NBAS: variants seen among roughly 807,000 people sequenced by gnomAD.
NBAS encodes the protein NBAS subunit of NRZ tethering complex.
NBAS carries 219 observed loss-of-function variants against 302.5 expected under a neutral mutation model. That is an observed-to-expected ratio of 0.72 (90% CI 0.65 to 0.81). The LOEUF is 0.81. Among genes scored for constraint, NBAS ranks in the 30% least tolerant of loss-of-function variants. The pLI, the probability that NBAS is intolerant of heterozygous loss-of-function variation, is 0.00. For missense variants in NBAS, 2,932 were observed against 2,841.6 expected, an observed-to-expected ratio of 1.03 and a Z score of -0.72; for synonymous variants, 1,118 against 1,021.6, an observed-to-expected ratio of 1.09 and a Z score of -1.80.
At chr2:14,849,789 G>A in the NBAS span, among the ~76,000 whole-genome samples, 4 of 142,210 alleles carry the variant, frequency 2.8e-5, no homozygotes, top group African/African-American at 8.9e-5. Flanking sequence ...CATTCTTAAA[G>A]AAAAGAATTT....
At chr2:15,407,126 T>C (rs1004412509) in intron 25 of NBAS, among the ~76,000 whole-genome samples, 4 of 152,210 alleles carry the variant, frequency 2.6e-5, no homozygotes, top group Admixed American at 2.6e-4. Context: ...GGGAATGGCA[T>C]GTATCCCAAC....
chr2:15,374,500 T>C (rs2148359309), intron 31 of NBAS, 108 bp downstream of exon 31: 3 of 933,546 alleles, frequency 3.2e-6, no homozygotes, highest in Non-Finnish European at 5.3e-6. Flanking sequence ...CTATTGCTAA[T>C]GGATTACATG....
chr2:14,827,731 C>T, the NBAS span, among the ~76,000 whole-genome samples: 13 of 152,196 alleles, frequency 8.5e-5, no homozygotes, highest in South Asian at 2.1e-4. Flanking sequence ...TCCACTTATA[C>T]GATGTATATG....
intron 44 of NBAS, among the ~76,000 whole-genome samples, chr2:15,246,680 T>C (rs1186346055): frequency 1.3e-5 from 2 of 152,176 alleles, no homozygotes; most frequent in Non-Finnish European, 2.9e-5. Context: ...ATGTTTGCCA[T>C]TGGGACAATG....
Position 15,475,810 on chromosome 2 carries a change from G to C in NBAS, c.1218C>G (p.Cys406Trp). Reference sequence around the variant, plus strand: ...CAGATGAAACAGTTAAAGCACCAGAGCATCGAGCTAAAGTCACTGCACTGT... The same window carrying C: ...CAGATGAAACAGTTAAAGCACCAGACCATCGAGCTAAAGTCACTGCACTGT... The part of the protein sequence containing the change: ...WADSAVTLAR[C>W]SGALTVSSVK... Residue 406 changes from cysteine (C) to tryptophan (W), a missense_variant, in exon 14 of 52, where the codon TGC (cysteine) becomes TGG (tryptophan). Transcript: ENST00000281513. 1.9e-6 allele frequency: 3 copies of C among 1,614,036 alleles called. No individual in the cohort carries two copies. The highest frequency in any genetic ancestry group is 2.5e-6 in the Non-Finnish European group (3 of 1,179,966).
In NBAS at chr2:15,427,732, C is replaced by T. The variant is rs773610165; in HGVS notation, c.2402G>A (p.Trp801Ter). ...TGACCTGCAAGCCAACTCCTCGCAC[C>T]AATCTTTAGCTCGGTGTTTATGTTC... is the stretch of plus-strand genomic sequence containing the variant. ...WHEHKHRAKD[W>*]CEELACRMVV... Residue 801 changes from tryptophan to a stop codon, truncating the protein, a stop_gained, in exon 22 of 52, where the codon TGG becomes TAG. Transcript: ENST00000281513. LOFTEE classifies it high-confidence loss of function. 6.2e-7 allele frequency: 1 copy of T among 1,613,262 alleles called. No homozygotes were observed. The highest frequency in any genetic ancestry group is 8.5e-7 in the Non-Finnish European group (1 of 1,179,656).
chr2:15,113,764 C>G, the NBAS span, among the ~76,000 whole-genome samples: 1 of 151,608 alleles, frequency 6.6e-6, no homozygotes, highest in East Asian at 1.9e-4. Flanking sequence ...TTGCTCTGCT[C>G]TTTTTTTTTA....
chr2:15,473,950 T>G, intron 15 of NBAS, 117 bp downstream of exon 15: 2 of 1,223,898 alleles, frequency 1.6e-6, no homozygotes, highest in Non-Finnish European at 2.3e-6. Flanking sequence ...ATTTTTAACA[T>G]GTCAATGATC....
At chr2:14,800,523 A>C in the NBAS span, among the ~76,000 whole-genome samples, 1 of 152,136 alleles carries the variant, frequency 6.6e-6, no homozygotes, top group Non-Finnish European at 1.5e-5. Flanking sequence ...ACTAATATGC[A>C]TGTTATACTT....
At chr2:15,188,580 A>G (rs919395784) in intron 49 of NBAS, among the ~76,000 whole-genome samples, 1 of 152,216 alleles carries the variant, frequency 6.6e-6, no homozygotes, top group East Asian at 1.9e-4. Context: ...GATTCTAATG[A>G]TTTAATAAAG....
intron 48 of NBAS, among the ~76,000 whole-genome samples, chr2:15,193,523 C>T (rs1470963744): frequency 6.6e-6 from 1 of 152,014 alleles, no homozygotes; most frequent in African/African-American, 2.4e-5. Context: ...TAAGATTGTG[C>T]CCAAATATTA....
chr2:15,552,793 ATTTTTTT>A (rs140817288), intron 5 of NBAS, among the ~76,000 whole-genome samples: 1 of 129,420 alleles, frequency 7.7e-6, no homozygotes, highest in East Asian at 2.2e-4. Flanking sequence ...AAGCATACCT[ATTTTTTT>A]TTTTTTTTTT....
intron 17 of NBAS, 63 bp from the exon 18 acceptor site, chr2:15,467,867 T>C (rs1679791981): frequency 1.5e-6 from 2 of 1,322,190 alleles, no homozygotes; most frequent in East Asian, 2.4e-5. Flanking sequence ...TGTGAAAAGC[T>C]TTCTCCTATT....
At chr2:15,219,468 G>GCGGCCTTC (rs1666826469) in intron 47 of NBAS, among the ~76,000 whole-genome samples, 1 of 138,592 alleles carries the variant, frequency 7.2e-6, no homozygotes, top group Non-Finnish European at 1.5e-5. Context: ...AGAGGACCCT[G>GCGGCCTTC]CGGCCTTCCG....
At chr2:15,034,037 AAGG>A in the NBAS span, among the ~76,000 whole-genome samples, 275 of 42,000 alleles carry the variant, frequency 6.5e-3, 6 homozygotes, top group South Asian at 0.015. Flanking sequence ...GAGGAGGAGG[AAGG>A]AGGAGGAGGA....
chr2:15,100,790 T>G, the NBAS span, among the ~76,000 whole-genome samples: 1 of 152,218 alleles, frequency 6.6e-6, no homozygotes. Flanking sequence ...TTAAAAAACA[T>G]TTCCATCACT....
chr2:15,298,422 T>C (rs1156353649), intron 40 of NBAS, among the ~76,000 whole-genome samples: 2 of 152,186 alleles, frequency 1.3e-5, no homozygotes, highest in East Asian at 1.9e-4. Flanking sequence ...TTGGCATCAA[T>C]GACCTGGATT....
chr2:14,996,113 G>C, the NBAS span, among the ~76,000 whole-genome samples: 5 of 152,104 alleles, frequency 3.3e-5, no homozygotes, highest in African/African-American at 1.2e-4. Flanking sequence ...ACAGTGCTTG[G>C]CACACAGATC....
chr2:14,820,822 C>A, the NBAS span, among the ~76,000 whole-genome samples: 1 of 152,200 alleles, frequency 6.6e-6, no homozygotes, highest in Non-Finnish European at 1.5e-5. Context: ...AGGAGGGTCA[C>A]CTCACCACTT....
Sources: allele counts gnomAD v4.1 joint callset (sites outside exome capture counted in the v4.1 genomes callset), GRCh38; gene constraint gnomAD v4.1.1; transcripts MANE v1.5; gene names NCBI Gene and HGNC (gene_info 2026-07-23, HGNC 2026-07-21).